The following LTN1 variants were observed in gnomAD, a reference collection of about 807,000 sequenced individuals.
The protein encoded by LTN1 is E3 ubiquitin-protein ligase listerin.
A neutral mutation model predicts 201.2 loss-of-function variants in LTN1; 88 were observed. The ratio of observed to expected loss-of-function variants is 0.44; its 90% CI spans 0.37 to 0.52. The LOEUF (loss-of-function observed/expected upper bound fraction) is 0.52, where lower values mean the gene tolerates loss of function less well. Among genes scored for constraint, LTN1 ranks in the 20% least tolerant of loss-of-function variants. LTN1 has a pLI of 0.00. For synonymous variants in LTN1, 645 were observed against 713.5 expected (o/e 0.90, Z 1.53); for missense variants, 1,752 against 2,038.7 (o/e 0.86, Z 2.71).
In LTN1 at chr21:28,935,232, A is replaced by G. The variant is rs780153221; in HGVS notation, c.4752T>C (p.Asn1584=). 6.2e-6 allele frequency: 10 copies of G among 1,613,836 alleles called. No individual in the cohort carries two copies. The highest frequency in any genetic ancestry group is 1.7e-4 in the Middle Eastern group (1 of 6,056). ...TATTGAAAACACGCTTCTCACTGCTATTCCACCACAACCTAACCATGGCAG... is the reference window on the plus strand; with the variant it reads ...TATTGAAAACACGCTTCTCACTGCTGTTCCACCACAACCTAACCATGGCAG... ...DLPAMVRLWW[N]SSEKRVFNIV... is the part of the protein sequence containing the mutation. Residue 1584 remains asparagine (N), a synonymous_variant, in exon 27 of 30, where the codon AAT becomes AAC. Coordinates refer to ENST00000361371, the MANE Select transcript of LTN1 (RefSeq NM_015565.3).
Position 28,947,503 on chromosome 21 carries a change from G to C in LTN1, c.3448C>G (p.Leu1150Val), listed in dbSNP as rs375808977. ...KEFSAQCIPA[L>V]LGWTKKDLCS... Reference sequence around the variant, plus strand: ...AGATCTTTCTTAGTCCAGCCCAAAAGAGCAGGTATACATTGAGCACTAAAT... The same window carrying C: ...AGATCTTTCTTAGTCCAGCCCAAAACAGCAGGTATACATTGAGCACTAAAT... Residue 1150 changes from leucine (L) to valine (V), a missense_variant, in exon 19 of 30, where the codon CTT (leucine) becomes GTT (valine). Coordinates refer to ENST00000361371, the MANE Select transcript of LTN1 (RefSeq NM_015565.3). 2.0e-5 allele frequency: 31 copies of C among 1,569,832 alleles called. No homozygotes were observed. The highest frequency in any genetic ancestry group is 2.6e-5 in the Non-Finnish European group (30 of 1,160,668).
At position 28,986,492 on chromosome 21, in the gene LTN1, T is replaced by C. The variant is rs1011842376; in HGVS notation, c.246+239A>G. On this transcript the variant is annotated intron_variant, in intron 2 of 29. Transcript: ENST00000361371. This position sits in a 1 kb window ranked among gnomAD's most constrained non-coding sequence, Gnocchi z 4.1. ...ACAAGGTCAAAGTTACATTCCCTAATGGGAAAAACTATACAGCCAAAATTC... is the reference window on the plus strand; with the variant it reads ...ACAAGGTCAAAGTTACATTCCCTAACGGGAAAAACTATACAGCCAAAATTC... 180 of 661,002 alleles carry C rather than the reference T, an allele frequency of 2.7e-4. No individual in the cohort carries two copies. Among genetic ancestry groups the C allele is most frequent in the Admixed American group, 4.6e-4 (18 of 38,814 alleles). The allele number at this position is 661,002 out of a possible 1,614,324, so 40.9% of individuals were successfully genotyped here. A position where few individuals can be genotyped will look rare whatever the true frequency, so the allele number is the denominator to read the frequency against.
rs1199208847 is a variant in LTN1 at position 28,986,974 on chromosome 21, A to T, written c.43-40T>A. 7.2e-7 allele frequency: 1 copy of T among 1,386,702 alleles called. No homozygotes were observed. The allele number at this position is 1,386,702 out of a possible 1,614,324, so 85.9% of individuals were successfully genotyped here. ...ACGGAGAAAAAAGTCAGAGTCCAGG[A>T]AGGGTTCAAAACTTAACTTTATAAT... On this transcript the variant is annotated intron_variant, in intron 1 of 29. Transcript: ENST00000361371. The surrounding 1 kb of genome is among the most constrained non-coding windows in gnomAD (Gnocchi z 4.1).
intron 12 of LTN1, 117 bp downstream of exon 12, chr21:28,960,400 G>A: frequency 1.5e-6 from 1 of 652,150 alleles, no homozygotes; most frequent in Non-Finnish European, 2.4e-6. Context: ...AAAAAAATTT[G>A]AATGAGTAAG....
chr21:28,956,717 T>C (rs1351468603), intron 16 of LTN1, 45 bp downstream of exon 16: 1 of 947,232 alleles, frequency 1.1e-6, no homozygotes, highest in Non-Finnish European at 1.5e-6. Flanking sequence ...CAAAATTATA[T>C]TCATTCATGC....
chr21:28,952,276 A>C lies in LTN1; in HGVS notation c.3240-12T>G. ...CATGTTCTCTGGACCTGAAAAAGGA[A>C]AGAAAAAAATTATATTCCGTTTTGA... On this transcript the variant is annotated splice_polypyrimidine_tract_variant and intron_variant, in intron 17 of 29. Transcript: ENST00000361371. 1 of 1,490,878 alleles carries C rather than the reference A, an allele frequency of 6.7e-7. No homozygotes were observed. Among genetic ancestry groups the C allele is most frequent in the Non-Finnish European group, 9.2e-7 (1 of 1,087,394 alleles). 92.4% of individuals were successfully genotyped at this position (1,490,878 alleles called of 1,614,324 possible).
rs372867451 is a variant in LTN1 at position 28,946,135 on chromosome 21, T to C, written c.3623+17A>G. 15 of 1,564,620 alleles carry C rather than the reference T, an allele frequency of 9.6e-6. No individual in the cohort carries two copies. The highest frequency in any genetic ancestry group is 1.4e-5 in the African/African-American group (1 of 72,206). The stretch of plus-strand genomic sequence containing the variant: ...ATTGTATACTGAAGGAAAAACATAG[T>C]ATAAAGTATCACCTACCAACTGAAA... On this transcript the variant is annotated intron_variant, in intron 20 of 29. Coordinates refer to ENST00000361371, the MANE Select transcript of LTN1 (RefSeq NM_015565.3).
At chr21:28,930,581 A>G in intron 29 of LTN1, 71 bp from the exon 30 acceptor site, 1 of 976,002 alleles carries the variant, frequency 1.0e-6, no homozygotes, top group Non-Finnish European at 1.6e-6. Context: ...CATAAAGTAC[A>G]CATACATCTA....
intron 18 of LTN1, among the ~76,000 whole-genome samples, 199 bp downstream of exon 18, chr21:28,951,961 C>T (rs1384642390): frequency 6.6e-6 from 1 of 152,174 alleles, no homozygotes; most frequent in Non-Finnish European, 1.5e-5. Context: ...CAGAGTGAGA[C>T]CCTGTCTCAA....
intron 18 of LTN1, 79 bp from the exon 19 acceptor site, chr21:28,947,685 A>G: frequency 1.2e-6 from 1 of 816,210 alleles, no homozygotes; most frequent in East Asian, 3.0e-5. Flanking sequence ...TATTTAGACT[A>G]CTGAAAAAGA....
chr21:28,963,828 T>G (rs750473223), intron 11 of LTN1, among the ~76,000 whole-genome samples: 2 of 152,122 alleles, frequency 1.3e-5, no homozygotes, highest in Admixed American at 6.5e-5. Context: ...AATAGCAACA[T>G]TAATAGGAGT....
chr21:28,950,335 T>C (rs545985176), intron 18 of LTN1, among the ~76,000 whole-genome samples: 40 of 152,328 alleles, frequency 2.6e-4, no homozygotes, highest in Non-Finnish European at 3.4e-4. Context: ...TTGATTACTA[T>C]GGGTAAATAA....
intron 4 of LTN1, among the ~76,000 whole-genome samples, chr21:28,983,438 A>G (rs2084673750): frequency 6.6e-6 from 1 of 152,246 alleles, no homozygotes; most frequent in Non-Finnish European, 1.5e-5. Flanking sequence ...GATGGGTTAG[A>G]AAACTCCATT....
At position 28,982,340 on chromosome 21, in the gene LTN1, G is replaced by T. The variant is rs1364501955; in HGVS notation, c.605C>A (p.Thr202Lys). The T allele has an allele frequency of 1.2e-6, 2 of 1,613,642 alleles. No individual in the cohort carries two copies. Among genetic ancestry groups the T allele is most frequent in the African/African-American group, 2.7e-5 (2 of 74,886 alleles). ...CTGCGGGTCACTGAGTGTATCAGGTGTTTCTTTTATAAGATGATCCTGCAG... is the reference window on the plus strand; with the variant it reads ...CTGCGGGTCACTGAGTGTATCAGGTTTTTCTTTTATAAGATGATCCTGCAG... ...SVLQDHLIKE[T>K]PDTLSDPQTV... The change falls in exon 5 of 30, where the codon ACA becomes AAA. Residue 202 changes from threonine (T) to lysine (K), a missense_variant. Thr to Lys is a moderately conservative substitution (Grantham distance 78). Transcript: ENST00000361371.
intron 25 of LTN1, among the ~76,000 whole-genome samples, chr21:28,940,277 T>G (rs1275873423): frequency 6.6e-6 from 1 of 152,192 alleles, no homozygotes; most frequent in Non-Finnish European, 1.5e-5. Flanking sequence ...CTTCCCCGGC[T>G]CAAACTATCT....
rs1343431774 is a variant in LTN1 at position 28,943,813 on chromosome 21, T to C, written c.4074A>G (p.Leu1358=). The change falls in exon 23 of 30, where the codon CTA becomes CTG. Residue 1358 remains leucine, a synonymous_variant. Transcript: ENST00000361371. The part of the protein sequence containing the change: ...ETLTYISKEQ[L]LSHKLPARLV... The stretch of plus-strand genomic sequence containing the variant: ...ATCTTGCAGGAAGTTTGTGACTCAA[T>C]AGCTGTTCCTTTGAGATATACGTTA... 1.5e-5 allele frequency: 24 copies of C among 1,613,576 alleles called. No homozygotes were observed. Among genetic ancestry groups the C allele is most frequent in the East Asian group, 2.2e-5 (1 of 44,832 alleles).
At chr21:28,952,123 G>A in intron 18 of LTN1, 37 bp downstream of exon 18, 2 of 1,312,748 alleles carry the variant, frequency 1.5e-6, no homozygotes, top group Non-Finnish European at 2.2e-6. Context: ...ACCGATTACA[G>A]TAAACTACAA....
intron 24 of LTN1, among the ~76,000 whole-genome samples, chr21:28,942,263 CA>C (rs1049022991): frequency 6.6e-6 from 1 of 152,170 alleles, no homozygotes; most frequent in African/African-American, 2.4e-5. Flanking sequence ...ATACCAGCTC[CA>C]AAATCTCTCC....
intron 16 of LTN1, among the ~76,000 whole-genome samples, chr21:28,956,405 A>AT (rs201145965): frequency 2.6e-5 from 4 of 151,588 alleles, no homozygotes; most frequent in East Asian, 3.9e-4. Flanking sequence ...TCAGGTATCA[A>AT]TTTTTTTTTA....
Sources: gnomAD v4.1 joint callset for allele counts (sites outside exome capture counted in the v4.1 genomes callset) on GRCh38, gnomAD v4.1.1 for gene constraint, Gnocchi (gnomAD v3.1) non-coding constraint, MANE v1.5 for transcripts, NCBI Gene and HGNC (gene_info 2026-07-23, HGNC 2026-07-21) for gene names.